CARD8: variants seen among roughly 807,000 people sequenced by gnomAD.
The protein encoded by CARD8 is caspase recruitment domain family member 8, also known as caspase recruitment domain-containing protein 8.
A neutral mutation model predicts 53.2 loss-of-function variants in CARD8; 38 were observed. The ratio of observed to expected loss-of-function variants is 0.71; its 90% confidence interval spans 0.55 to 0.94. The LOEUF (loss-of-function observed/expected upper bound fraction) is 0.94, where lower values mean the gene tolerates loss of function less well. Among genes scored for constraint, CARD8 ranks in the 40% least tolerant of loss-of-function variants. CARD8 has a pLI of 0.00. For synonymous variants in CARD8, 245 were observed against 244.9 expected, an observed-to-expected ratio of 1.00 and a Z score of 0.00; for missense variants, 561 against 655.5, an observed-to-expected ratio of 0.86 and a Z score of 1.57.
In CARD8 at chr19:48,248,824, T is replaced by C. The variant is rs2147026762; in HGVS notation, c.-44+699A>G. Among the ~76,000 whole-genome samples, 2 of 152,362 alleles carry C rather than the reference T, an allele frequency of 1.3e-5. 1 individual carries two copies. Among genetic ancestry groups the C allele is most frequent in the South Asian group, 4.1e-4 (2 of 4,830 alleles). On this transcript the variant is annotated intron_variant, in intron 3 of 13. Transcript: ENST00000651546. ...CATCAAAGAATGGATACATTGATTATAATATCATCATTGCATTAATACTGT... is the reference window on the plus strand; with the variant it reads ...CATCAAAGAATGGATACATTGATTACAATATCATCATTGCATTAATACTGT...
rs568178361 is a variant in CARD8, at chr19:48,240,617, A to G, written c.59+345T>C. On this transcript the variant is annotated intron_variant, in intron 4 of 13. Coordinates refer to ENST00000651546, the MANE Select transcript of CARD8 (RefSeq NM_001184900.3). ...AACCCCGTCTCTACTAAAAATACAAAAAGTAGCCAGGCGTGGTGGTGCATG... is the reference window on the plus strand; with the variant it reads ...AACCCCGTCTCTACTAAAAATACAAGAAGTAGCCAGGCGTGGTGGTGCATG... 3.9e-4 allele frequency among the ~76,000 whole-genome samples: 60 copies of G among 152,204 alleles called. 3 individuals are homozygous for G. The Middle Eastern group carries it at 0.01, about 26-fold the overall frequency.
chr19:48,221,979 T>C (rs2040738874), intron 10 of CARD8, 124 bp from the exon 11 acceptor site: 1 of 663,902 alleles, frequency 1.5e-6, no homozygotes, highest in Non-Finnish European at 2.3e-6. Flanking sequence ...ATATAAAGAT[T>C]AAGGTATTCA....
At chr19:48,207,734 G>GTTTTTTGTTTTTTT (rs2037429240), downstream of CARD8, among the ~76,000 whole-genome samples, 1 of 116,552 alleles carries the variant, frequency 8.6e-6, no homozygotes, top group African/African-American at 3.7e-5. Context: ...TTGTTTTTCT[G>GTTTTTTGTTTTTTT]TTTTTTTTTT....
At chr19:48,216,354 C>T (rs1209489714) in intron 12 of CARD8, among the ~76,000 whole-genome samples, 1 of 152,156 alleles carries the variant, frequency 6.6e-6, no homozygotes, top group South Asian at 2.1e-4. Flanking sequence ...GGCTTCTTCG[C>T]ATATTAAACA....
At chr19:48,232,600 G>T (rs974500396) in intron 6 of CARD8, 107 bp from the exon 7 acceptor site, 1 of 922,780 alleles carries the variant, frequency 1.1e-6, no homozygotes, top group Non-Finnish European at 1.7e-6. Context: ...GTCCCGTAGA[G>T]TAGCCGCTAC....
chr19:48,241,584 T>C (rs960272021), intron 3 of CARD8, among the ~76,000 whole-genome samples: 7 of 152,202 alleles, frequency 4.6e-5, no homozygotes, highest in Admixed American at 4.6e-4. Flanking sequence ...ATTTTTGATG[T>C]GGCCCTGGGT....
Position 48,230,458 on chromosome 19 carries a change from T to C in CARD8, c.1015A>G (p.Ser339Gly), listed in dbSNP as rs753171247. The C allele has an allele frequency of 6.2e-7, 1 of 1,609,178 alleles. No individual in the cohort carries two copies. The highest frequency in any genetic ancestry group is 8.5e-7 in the Non-Finnish European group (1 of 1,176,778). ...DIKFHLYLVP[S>G]DALLTKAIDD... ...CTTACCTTTGTTAGCAAGGCGTCGC[T>C]GGGGACAAGGTACAAGTGGAACTTA... The change falls in exon 10 of 14, where the codon AGC becomes GGC. Residue 339 changes from serine to glycine, a missense_variant. Ser to Gly is a moderately conservative substitution (Grantham distance 56, BLOSUM62 0). Coordinates refer to ENST00000651546, the MANE Select transcript of CARD8 (RefSeq NM_001184900.3).
chr19:48,228,500 T>C (rs1488930078), intron 10 of CARD8, among the ~76,000 whole-genome samples: 1 of 152,092 alleles, frequency 6.6e-6, no homozygotes, highest in Non-Finnish European at 1.5e-5. Context: ...TGGGTGACGC[T>C]AAACAGAGCC....
intron 1 of CARD8, among the ~76,000 whole-genome samples, chr19:48,254,485 G>A (rs566916076): frequency 6.6e-6 from 1 of 152,148 alleles, no homozygotes; most frequent in Admixed American, 6.5e-5. Flanking sequence ...TGGTGCGGTG[G>A]CTCATCCCTG....
downstream of CARD8, among the ~76,000 whole-genome samples, chr19:48,207,734 G>GTTTTTTTTTTTTTTTTTTTTTTT (rs758903014): frequency 3.0e-4 from 35 of 116,534 alleles, 1 homozygote; most frequent in African/African-American, 7.0e-4. Context: ...TTGTTTTTCT[G>GTTTTTTTTTTTTTTTTTTTTTTT]TTTTTTTTTT....
chr19:48,252,426 G>T (rs1325529608), intron 1 of CARD8, among the ~76,000 whole-genome samples: 1 of 151,260 alleles, frequency 6.6e-6, no homozygotes, highest in South Asian at 2.1e-4. Context: ...ACATATATAT[G>T]CATATTTAAA....
rs138616447 is a variant in CARD8 at position 48,247,421 on chromosome 19, G to A, written c.-44+2102C>T. On this transcript the variant is annotated intron_variant, in intron 3 of 13. Transcript: ENST00000651546. Reference sequence around the variant, plus strand: ...AAGACATCATGATACATCCGATGATGAAATAATATGCAATTTTAAAAGAAT... The same window carrying A: ...AAGACATCATGATACATCCGATGATAAAATAATATGCAATTTTAAAAGAAT... Among the ~76,000 whole-genome samples, 344 of 152,236 alleles carry A rather than the reference G, an allele frequency of 2.3e-3. 1 individual carries two copies. The highest frequency in any genetic ancestry group is 7.8e-3 in the African/African-American group (325 of 41,540).
In CARD8 at chr19:48,246,201, T is replaced by G. The variant is rs1332449484; in HGVS notation, c.-44+3322A>C. Among the ~76,000 whole-genome samples, 7 of 152,218 alleles carry G rather than the reference T, an allele frequency of 4.6e-5. No homozygotes were observed. In the South Asian group the frequency reaches 6.2e-4, roughly 13 times the overall value. On this transcript the variant is annotated intron_variant, in intron 3 of 13. Transcript: ENST00000651546. ...CAGAATGTTTATCAATTTGGATTTC[T>G]TTGATGTTTTCTCACGATTAGGCTG...
rs2037900674 is a variant in CARD8, at chr19:48,211,176, G to GT, written c.*533dup. ...CTCTTTCAGCAAATACATTTACATTGTTCTAATAACAGTAGCCATAGATAA... is the reference window on the plus strand; with the variant it reads ...CTCTTTCAGCAAATACATTTACATTGTTTCTAATAACAGTAGCCATAGATAA... On this transcript the variant is annotated 3_prime_UTR_variant, in exon 14 of 14. Coordinates refer to ENST00000651546, the MANE Select transcript of CARD8 (RefSeq NM_001184900.3). 6.6e-6 allele frequency: 1 copy of GT among 151,660 alleles called. No homozygotes were observed. The highest frequency in any genetic ancestry group is 2.4e-5 in the African/African-American group (1 of 41,030). 9.4% of individuals were successfully genotyped at this position (151,660 alleles called of 1,614,324 possible).
chr19:48,216,699 A>T (rs1041425367), intron 12 of CARD8, among the ~76,000 whole-genome samples: 2 of 151,934 alleles, frequency 1.3e-5, no homozygotes, highest in African/African-American at 4.8e-5. Context: ...CAGTGGAGGA[A>T]GGAAGATCAG....
chr19:48,207,734 G>GTTTTTTTTTTTTTGTTTTTTTTTTTT (rs1555790116), downstream of CARD8, among the ~76,000 whole-genome samples: 4 of 116,550 alleles, frequency 3.4e-5, no homozygotes, highest in Non-Finnish European at 5.2e-5. Flanking sequence ...TTGTTTTTCT[G>GTTTTTTTTTTTTTGTTTTTTTTTTTT]TTTTTTTTTT....
intron 10 of CARD8, among the ~76,000 whole-genome samples, chr19:48,223,211 G>A (rs2041037947): frequency 6.6e-6 from 1 of 151,970 alleles, no homozygotes; most frequent in Admixed American, 6.6e-5. Flanking sequence ...GGCTGAGGCA[G>A]GAGAATCGCA....
At chr19:48,251,752 G>A (rs2046966584) in intron 1 of CARD8, among the ~76,000 whole-genome samples, 1 of 152,096 alleles carries the variant, frequency 6.6e-6, no homozygotes, top group Non-Finnish European at 1.5e-5. Flanking sequence ...ACTCCCCCAA[G>A]GATCATTTAT....
chr19:48,227,003 C>G (rs2041913288), intron 10 of CARD8, among the ~76,000 whole-genome samples: 1 of 151,028 alleles, frequency 6.6e-6, no homozygotes, highest in Admixed American at 6.6e-5. Context: ...AGAATCACTT[C>G]ACTTGAACCT....
Sources: allele counts gnomAD v4.1 joint callset (sites outside exome capture counted in the v4.1 genomes callset), GRCh38; gene constraint gnomAD v4.1.1; transcripts MANE v1.5; gene names NCBI Gene and HGNC (gene_info 2026-07-23, HGNC 2026-07-21).